The following NPAS3 variants were observed in gnomAD, a reference collection of about 807,000 sequenced individuals.
NPAS3 encodes neuronal PAS domain protein 3.
NPAS3 carries 14 observed loss-of-function variants against 73.1 expected under a neutral mutation model. The ratio of observed to expected loss-of-function variants is 0.19; its 90% CI spans 0.13 to 0.30. The LOEUF is 0.30. Ranked by LOEUF, NPAS3 falls within the 10% of genes least tolerant of loss-of-function variation. NPAS3 has a pLI of 1.00. For missense variants in NPAS3, 1,096 were observed against 1,250.0 expected (o/e 0.88, Z 1.86); for synonymous variants, 620 against 541.5 (o/e 1.14, Z -2.01).
chr14:33,548,946 A>G (rs2054977461), intron 4 of NPAS3, among the ~76,000 whole-genome samples: 1 of 152,214 alleles, frequency 6.6e-6, no homozygotes, highest in South Asian at 2.1e-4. Context: ...CTGCCCTGGG[A>G]CATGTATATG....
rs142275818 is a variant in NPAS3, at chr14:33,171,653, C to T, written c.141-43529C>T. On this transcript the variant is annotated intron_variant, in intron 2 of 11. Coordinates refer to ENST00000356141, the Ensembl canonical transcript of NPAS3. Reference sequence around the variant, plus strand: ...CTGGTTTCATCTTCTGTCACTAAAACTTTCTCCCTGTCAGCAATAAGCCTC... The same window carrying T: ...CTGGTTTCATCTTCTGTCACTAAAATTTTCTCCCTGTCAGCAATAAGCCTC... Among the ~76,000 whole-genome samples, 135 of 152,304 alleles carry T rather than the reference C, an allele frequency of 8.9e-4. 1 individual carries two copies. Among genetic ancestry groups the T allele is most frequent in the Middle Eastern group, 3.4e-3 (1 of 294 alleles).
chr14:33,365,012 G>T (rs1488834252), intron 3 of NPAS3, among the ~76,000 whole-genome samples: 5 of 149,100 alleles, frequency 3.4e-5, no homozygotes, highest in Admixed American at 1.3e-4. Context: ...TTGGGGGAGG[G>T]GGGAGGGGAC....
chr14:33,202,032 C>T (rs1244591057), intron 2 of NPAS3, among the ~76,000 whole-genome samples: 1 of 152,174 alleles, frequency 6.6e-6, no homozygotes, highest in Non-Finnish European at 1.5e-5. Context: ...CTTGCAAGTT[C>T]ATGCAATAAA....
chr14:33,222,768 G>A (rs1262669431), intron 3 of NPAS3, among the ~76,000 whole-genome samples: 3 of 152,082 alleles, frequency 2.0e-5, no homozygotes, highest in Non-Finnish European at 2.9e-5. Flanking sequence ...TACTATTAGC[G>A]GAGTTATATA....
At chr14:33,574,471 C>A (rs1402925321) in intron 5 of NPAS3, among the ~76,000 whole-genome samples, 2 of 152,114 alleles carry the variant, frequency 1.3e-5, no homozygotes, top group African/African-American at 4.8e-5. Context: ...GGCTAGCGCC[C>A]ATGAAGGCTG....
chr14:33,235,421 G>T (rs1024566440), intron 3 of NPAS3, among the ~76,000 whole-genome samples: 1 of 151,978 alleles, frequency 6.6e-6, no homozygotes, highest in Non-Finnish European at 1.5e-5. Flanking sequence ...TAACTAGCAG[G>T]TTAAGCATAA....
chr14:33,340,133 G>A (rs369669124), intron 3 of NPAS3, among the ~76,000 whole-genome samples: 28 of 152,178 alleles, frequency 1.8e-4, no homozygotes, highest in African/African-American at 5.8e-4. Context: ...ATTACACAGA[G>A]TGAGCTTATA....
intron 2 of NPAS3, among the ~76,000 whole-genome samples, chr14:33,069,277 A>G (rs1392496168): frequency 6.6e-6 from 1 of 152,224 alleles, no homozygotes; most frequent in Non-Finnish European, 1.5e-5. Context: ...TTCCCTCGTA[A>G]ACTTAGAGAT....
intron 2 of NPAS3, among the ~76,000 whole-genome samples, chr14:33,088,969 C>A (rs1466277676): frequency 2.0e-5 from 3 of 152,118 alleles, no homozygotes; most frequent in African/African-American, 7.2e-5. Flanking sequence ...AGGGTCCCAA[C>A]TGTTAAAAGG....
At chr14:33,286,662 T>C (rs2041888382) in intron 3 of NPAS3, among the ~76,000 whole-genome samples, 1 of 152,106 alleles carries the variant, frequency 6.6e-6, no homozygotes, top group South Asian at 2.1e-4. Flanking sequence ...GGGCTTTTCT[T>C]GGCACTTTTT....
chr14:33,219,085 T>C (rs1412625453), intron 3 of NPAS3, among the ~76,000 whole-genome samples: 2 of 152,218 alleles, frequency 1.3e-5, no homozygotes, highest in Admixed American at 6.5e-5. Flanking sequence ...TTATGCGTTA[T>C]TCAAGAAATG....
chr14:32,985,297 G>T (rs2038052925), intron 1 of NPAS3, among the ~76,000 whole-genome samples: 1 of 152,152 alleles, frequency 6.6e-6, no homozygotes, highest in Admixed American at 6.5e-5. Flanking sequence ...TGTGTTGAAG[G>T]AGAGAGGTGC....
intron 1 of NPAS3, among the ~76,000 whole-genome samples, chr14:32,943,464 G>A (rs1028181196): frequency 1.3e-5 from 2 of 152,040 alleles, no homozygotes; most frequent in Non-Finnish European, 2.9e-5. Flanking sequence ...GAATACTTAT[G>A]AACCACCTTA....
chr14:33,017,530 A>C (rs1446379908), intron 1 of NPAS3, among the ~76,000 whole-genome samples: 1 of 152,178 alleles, frequency 6.6e-6, no homozygotes, highest in South Asian at 2.1e-4. Context: ...GTCTTTAAAG[A>C]GATGCTGCTT....
intron 1 of NPAS3, among the ~76,000 whole-genome samples, chr14:33,043,290 T>C (rs922609192): frequency 3.3e-5 from 5 of 152,158 alleles, no homozygotes; most frequent in African/African-American, 1.2e-4. Context: ...ATTGAAATGC[T>C]ATACTAAACG....
intron 2 of NPAS3, among the ~76,000 whole-genome samples, chr14:33,065,097 C>T (rs924014395): frequency 1.3e-5 from 2 of 152,122 alleles, no homozygotes; most frequent in Non-Finnish European, 2.9e-5. Context: ...AATTTAAATT[C>T]AAGCGAGAAC....
chr14:32,958,882 G>C (rs2036789532), intron 1 of NPAS3, among the ~76,000 whole-genome samples: 1 of 152,190 alleles, frequency 6.6e-6, no homozygotes, highest in South Asian at 2.1e-4. Context: ...TGGTGATGGT[G>C]GTAGTATTAT....
At chr14:33,142,532 A>G (rs2044092449) in intron 2 of NPAS3, among the ~76,000 whole-genome samples, 1 of 151,902 alleles carries the variant, frequency 6.6e-6, no homozygotes, top group African/African-American at 2.4e-5. Flanking sequence ...TAATTGCCAT[A>G]TTTTTATAAT....
chr14:33,619,504 G>A (rs974252545), intron 5 of NPAS3, among the ~76,000 whole-genome samples: 2 of 152,136 alleles, frequency 1.3e-5, no homozygotes, highest in Non-Finnish European at 2.9e-5. Context: ...CTATAAAGCA[G>A]TTTTCTTTTA....
Sources: gnomAD v4.1 joint callset for allele counts (sites outside exome capture counted in the v4.1 genomes callset) on GRCh38, gnomAD v4.1.1 for gene constraint, MANE v1.5 for transcripts, NCBI Gene and HGNC (gene_info 2026-07-23, HGNC 2026-07-21) for gene names.